Variants in PHACTR1 observed in about 807,000 individuals in gnomAD.
PHACTR1 encodes phosphatase and actin regulator 1, also known as RPEL repeat containing 1.
PHACTR1 carries 16 observed loss-of-function variants against 69.2 expected under a neutral mutation model. That is an observed-to-expected ratio of 0.23 (90% CI 0.16 to 0.35). PHACTR1 has a LOEUF of 0.35. PHACTR1 is among the 10% of genes least tolerant of loss of function. The probability of loss-of-function intolerance (pLI) is 1.00; values close to 1 mark genes in which losing one functional copy is unlikely to be tolerated. For missense variants in PHACTR1, 510 were observed against 734.7 expected, an observed-to-expected ratio of 0.69 and a Z score of 3.54; for synonymous variants, 312 against 284.5, an observed-to-expected ratio of 1.10 and a Z score of -0.97.
At chr6:13,229,146 T>A (rs1175193592) in intron 9 of PHACTR1, among the ~76,000 whole-genome samples, 2 of 152,146 alleles carry the variant, frequency 1.3e-5, no homozygotes, top group Non-Finnish European at 2.9e-5. Context: ...GAATTAAATG[T>A]TTTATACAGA....
chr6:12,753,039 C>T (rs892726110), intron 4 of PHACTR1, among the ~76,000 whole-genome samples: 2 of 152,092 alleles, frequency 1.3e-5, no homozygotes, highest in South Asian at 2.1e-4. Flanking sequence ...ATATATCTGT[C>T]GAAGGTTACC....
chr6:13,110,868 A>G (rs1263076095), intron 5 of PHACTR1, among the ~76,000 whole-genome samples: 3 of 152,216 alleles, frequency 2.0e-5, no homozygotes, highest in Admixed American at 6.5e-5. Context: ...CATGGCTGGA[A>G]GCTGAAATTC....
At chr6:12,924,981 T>C (rs1033977230) in intron 4 of PHACTR1, among the ~76,000 whole-genome samples, 2 of 152,132 alleles carry the variant, frequency 1.3e-5, no homozygotes, top group Admixed American at 1.3e-4. Flanking sequence ...ACAGAAATCA[T>C]CTGTGAGAAG....
chr6:13,016,442 G>A (rs894767790), intron 4 of PHACTR1, among the ~76,000 whole-genome samples: 3 of 152,188 alleles, frequency 2.0e-5, no homozygotes, highest in Admixed American at 6.5e-5. Flanking sequence ...TTTTACAAAG[G>A]TATTGTTCAC....
At chr6:13,132,179 A>T (rs1820570772) in intron 5 of PHACTR1, among the ~76,000 whole-genome samples, 1 of 152,238 alleles carries the variant, frequency 6.6e-6, no homozygotes, top group African/African-American at 2.4e-5. Flanking sequence ...ACAATAACTC[A>T]GTGGGAGAAC....
At chr6:12,856,251 C>CTTTTTTTTTTTTTTTT (rs201867496) in intron 4 of PHACTR1, among the ~76,000 whole-genome samples, 8 of 95,270 alleles carry the variant, frequency 8.4e-5, no homozygotes, top group African/African-American at 2.4e-4. Flanking sequence ...TTCTTTCTTT[C>CTTTTTTTTTTTTTTTT]TTTCTTTTTT....
At chr6:12,832,711 G>T (rs923610978) in intron 4 of PHACTR1, among the ~76,000 whole-genome samples, 2 of 151,994 alleles carry the variant, frequency 1.3e-5, no homozygotes, top group Non-Finnish European at 2.9e-5. Flanking sequence ...AAAGCCCTTT[G>T]CCTCAATAAA....
chr6:13,090,257 T>C (rs965520440), intron 5 of PHACTR1, among the ~76,000 whole-genome samples: 1 of 150,162 alleles, frequency 6.7e-6, no homozygotes, highest in African/African-American at 2.5e-5. Context: ...GGTTTCACCA[T>C]GTTGTCTCGA....
At chr6:12,854,492 G>A (rs539811283) in intron 4 of PHACTR1, among the ~76,000 whole-genome samples, 1 of 152,216 alleles carries the variant, frequency 6.6e-6, no homozygotes, top group South Asian at 2.1e-4. Context: ...AAATATCACC[G>A]TTAGATGGAT....
intron 4 of PHACTR1, among the ~76,000 whole-genome samples, chr6:12,873,094 C>T (rs1049963210): frequency 6.6e-6 from 1 of 151,902 alleles, no homozygotes; most frequent in African/African-American, 2.4e-5. Flanking sequence ...CTCACTGCAG[C>T]GTCAACTCCT....
At chr6:13,056,354 C>T (rs1427247385) in intron 5 of PHACTR1, among the ~76,000 whole-genome samples, 2 of 152,130 alleles carry the variant, frequency 1.3e-5, no homozygotes, top group African/African-American at 2.4e-5. Context: ...GAGCTGTGAT[C>T]GTGCCACTGT....
chr6:13,231,109 G>A (rs1271803133), intron 10 of PHACTR1, among the ~76,000 whole-genome samples: 1 of 112,938 alleles, frequency 8.9e-6, no homozygotes, highest in Non-Finnish European at 1.7e-5. Context: ...GGAAAAGAAA[G>A]AAGGAAAGAG....
At chr6:12,749,974 G>A in intron 4 of PHACTR1, among the ~76,000 whole-genome samples, 184 bp downstream of exon 4, 1 of 152,144 alleles carries the variant, frequency 6.6e-6, no homozygotes, top group Non-Finnish European at 1.5e-5. Context: ...GGGGGAGGGC[G>A]GCGCGTGCAG....
At chr6:12,895,348 A>T (rs1290675079) in intron 4 of PHACTR1, among the ~76,000 whole-genome samples, 1 of 151,502 alleles carries the variant, frequency 6.6e-6, no homozygotes, top group Non-Finnish European at 1.5e-5. Context: ...CACCTGGCTA[A>T]TTTTTTGTAT....
intron 4 of PHACTR1, among the ~76,000 whole-genome samples, chr6:13,045,952 C>T (rs1804961252): frequency 6.6e-6 from 1 of 152,184 alleles, no homozygotes; most frequent in Non-Finnish European, 1.5e-5. Flanking sequence ...ATGGAGCCTC[C>T]CTCCTTTCTC....
intron 4 of PHACTR1, among the ~76,000 whole-genome samples, chr6:12,901,027 T>A (rs1785131242): frequency 6.6e-6 from 1 of 152,294 alleles, no homozygotes; most frequent in Non-Finnish European, 1.5e-5. Flanking sequence ...GTGTGTTTTC[T>A]TGCTGAGGGT....
intron 5 of PHACTR1, among the ~76,000 whole-genome samples, chr6:13,105,283 T>C (rs1815910791): frequency 6.6e-6 from 1 of 151,986 alleles, no homozygotes; most frequent in African/African-American, 2.4e-5. Flanking sequence ...GGTAGCTGAG[T>C]TGGGGGGATC....
chr6:12,749,873 G>A, intron 4 of PHACTR1, 83 bp downstream of exon 4: 10 of 1,320,894 alleles, frequency 7.6e-6, no homozygotes, highest in Non-Finnish European at 1.0e-5. Context: ...CCTCCCGGGC[G>A]TCCTCCCCGC....
chr6:13,272,479 C>G (rs917391185), intron 10 of PHACTR1: 1 of 320,276 alleles, frequency 3.1e-6, no homozygotes, highest in African/African-American at 2.1e-5. Flanking sequence ...GCTTTAGCCT[C>G]AAGGGAGGGA....
Sources: allele counts gnomAD v4.1 joint callset (sites outside exome capture counted in the v4.1 genomes callset), GRCh38; gene constraint gnomAD v4.1.1; transcripts MANE v1.5; gene names NCBI Gene and HGNC (gene_info 2026-07-23, HGNC 2026-07-21).